The following ABR variants were observed in gnomAD, a reference collection of about 807,000 sequenced individuals.
ABR encodes ABR activator of RhoGEF and GTPase, also known as active breakpoint cluster region-related protein.
ABR carries 35 observed loss-of-function variants against 107.2 expected under a neutral mutation model. The observed-to-expected ratio is 0.33, with a 90% CI of 0.25 to 0.43. The LOEUF (loss-of-function observed/expected upper bound fraction) is 0.43, where lower values mean the gene tolerates loss of function less well. ABR is among the 20% of genes least tolerant of loss of function. ABR has a pLI of 1.00. For missense variants in ABR, 815 were observed against 1,115.2 expected (o/e 0.73, Z 3.83); for synonymous variants, 498 against 462.0 (o/e 1.08, Z -1.00).
intron 13 of ABR, 102 bp from the exon 14 acceptor site, chr17:1,056,211 G>A: frequency 9.7e-7 from 1 of 1,030,866 alleles, no homozygotes; most frequent in Non-Finnish European, 1.5e-6. Context: ...ACTCAGCTGA[G>A]TCTTGGTCCA....
chr17:1,087,815 G>A (rs1179237475), intron 4 of ABR, among the ~76,000 whole-genome samples: 1 of 152,180 alleles, frequency 6.6e-6, no homozygotes, highest in East Asian at 1.9e-4. Context: ...CCAGGGGCAG[G>A]AGCCAGCCGT....
chr17:1,189,474 G>A (rs934023950), upstream of ABR, among the ~76,000 whole-genome samples: 3 of 151,272 alleles, frequency 2.0e-5, no homozygotes, highest in African/African-American at 7.3e-5. Flanking sequence ...TCAGTCTCCC[G>A]AGTCACTGCT....
chr17:1,036,355 C>A (rs1236110790), intron 16 of ABR, among the ~76,000 whole-genome samples: 1 of 152,096 alleles, frequency 6.6e-6, no homozygotes, highest in Non-Finnish European at 1.5e-5. Flanking sequence ...AGGATGGGGA[C>A]CGAGGGGATG....
rs568927141 is a variant in ABR at position 1,048,226 on chromosome 17, G to A, written c.1791+1824C>T. ...CTGGCAGCCCTGTCTCCCTAGTGAC[G>A]AGTACTGAGAAGCAGGGTGCAGACC... On this transcript the variant is annotated intron_variant, in intron 16 of 22. Coordinates refer to ENST00000302538, the MANE Select transcript of ABR (RefSeq NM_021962.5). Among the ~76,000 whole-genome samples the A allele has an allele frequency of 9.2e-5, 14 of 152,348 alleles. 1 individual carries two copies. The South Asian group carries it at 1.9e-3, about 20-fold the overall frequency.
chr17:1,162,034 A>G (rs1021920898), intron 1 of ABR, among the ~76,000 whole-genome samples: 2 of 152,128 alleles, frequency 1.3e-5, no homozygotes, highest in Non-Finnish European at 2.9e-5. Flanking sequence ...CGGACTTTAC[A>G]TGGGGACGCT....
chr17:1,031,877 CCCCT>C lies in ABR; in HGVS notation c.1791+18169_1791+18172del, dbSNP rs1165216714. 2,076 of 1,142,916 alleles carry C rather than the reference CCCCT, an allele frequency of 1.8e-3. 12 individuals are homozygous for C. Among genetic ancestry groups the C allele is most frequent in the African/African-American group, 0.014 (771 of 55,940 alleles). 70.8% of individuals were successfully genotyped at this position (1,142,916 alleles called of 1,614,324 possible). On this transcript the variant is annotated intron_variant, in intron 16 of 22. Transcript: ENST00000302538. ...CCCTCCCTCCCTCCCTCCCCGCGCT[CCCCT>C]CCCTCCCTCCCTCCGTCCGCGTCCC...
intron 16 of ABR, among the ~76,000 whole-genome samples, chr17:1,036,925 C>G (rs1024641667): frequency 6.6e-6 from 1 of 152,176 alleles, no homozygotes; most frequent in Non-Finnish European, 1.5e-5. Context: ...AGCCTGGGGA[C>G]AGGAGTCACC....
intron 2 of ABR, among the ~76,000 whole-genome samples, chr17:1,106,998 T>C (rs2038297926): frequency 6.6e-6 from 1 of 152,216 alleles, no homozygotes; most frequent in South Asian, 2.1e-4. Context: ...ATCCAGGAGC[T>C]TTCTTCCCAC....
At chr17:1,049,959 CG>C in intron 16 of ABR, 90 bp downstream of exon 16, 1 of 1,498,770 alleles carries the variant, frequency 6.7e-7, no homozygotes, top group South Asian at 1.3e-5. Context: ...ACCAAAATCA[CG>C]AAAGAGCAGG....
chr17:1,207,341 C>A (rs1050540522), intron 1 of ABR, among the ~76,000 whole-genome samples: 1 of 151,984 alleles, frequency 6.6e-6, no homozygotes, highest in African/African-American at 2.4e-5. Flanking sequence ...TTTACAATAT[C>A]TATTTGTATT....
At chr17:1,166,774 C>T (rs947426971) in intron 1 of ABR, among the ~76,000 whole-genome samples, 4 of 152,154 alleles carry the variant, frequency 2.6e-5, no homozygotes, top group Non-Finnish European at 5.9e-5. Flanking sequence ...CCGAGGCGGG[C>T]GGATCACCTG....
At chr17:1,120,100 TCG>T (rs1483193700) in intron 2 of ABR, among the ~76,000 whole-genome samples, 4 of 152,050 alleles carry the variant, frequency 2.6e-5, no homozygotes, top group Admixed American at 2.6e-4. Flanking sequence ...GCCCCAGTTT[TCG>T]CACCTGTAAT....
upstream of ABR, among the ~76,000 whole-genome samples, chr17:1,190,501 G>A (rs958126028): frequency 1.3e-5 from 2 of 152,204 alleles, no homozygotes; most frequent in African/African-American, 4.8e-5. Flanking sequence ...AGGCGTGGTG[G>A]TGGGTGCCTG....
chr17:1,149,040 G>T (rs1286064343), intron 1 of ABR, among the ~76,000 whole-genome samples: 15 of 149,764 alleles, frequency 1.0e-4, no homozygotes, highest in South Asian at 2.1e-4. Context: ...TAGCTGGGAC[G>T]ACAGGTGCCT....
chr17:1,076,728 G>GGGGC (rs1267959969), intron 6 of ABR, among the ~76,000 whole-genome samples: 6 of 117,890 alleles, frequency 5.1e-5, no homozygotes, highest in African/African-American at 1.8e-4. Flanking sequence ...GGGGGTGGGG[G>GGGGC]TGGGGGGGGT....
Position 1,005,557 on chromosome 17 carries a change from C to T in ABR, c.*523G>A, listed in dbSNP as rs1401876085. ...AGCTTTCAAGGCGATGGAGCGAAGA[C>T]CAAGGGTGCACATGCATGCAGGCAG... On this transcript the variant is annotated 3_prime_UTR_variant, in exon 23 of 23. Transcript: ENST00000302538. 1 of 190,314 alleles carries T rather than the reference C, an allele frequency of 5.3e-6. No individual in the cohort carries two copies. The highest frequency in any genetic ancestry group is 1.3e-4 in the East Asian group (1 of 7,560). The allele number at this position is 190,314 out of a possible 1,614,324, so 11.8% of individuals were successfully genotyped here.
chr17:1,023,529 G>A (rs1292865497), intron 16 of ABR, among the ~76,000 whole-genome samples: 1 of 139,556 alleles, frequency 7.2e-6, no homozygotes, highest in East Asian at 2.0e-4. Flanking sequence ...GGGCCCTCTT[G>A]AGAAAAGGAA....
chr17:1,144,721 G>A (rs575122592), intron 1 of ABR, among the ~76,000 whole-genome samples: 4 of 151,898 alleles, frequency 2.6e-5, no homozygotes, highest in Admixed American at 6.6e-5. Context: ...GTGAAGCCCC[G>A]TCTCTACTAA....
intron 16 of ABR, among the ~76,000 whole-genome samples, chr17:1,045,069 A>G (rs186077791): frequency 5.3e-5 from 8 of 152,370 alleles, no homozygotes; most frequent in Non-Finnish European, 8.8e-5. Flanking sequence ...AATCTACATA[A>G]AAATGTGTAT....
Sources: allele counts gnomAD v4.1 joint callset (sites outside exome capture counted in the v4.1 genomes callset), GRCh38; gene constraint gnomAD v4.1.1; transcripts MANE v1.5; gene names NCBI Gene and HGNC (gene_info 2026-07-23, HGNC 2026-07-21).